CENPC: variants seen among roughly 807,000 people sequenced by gnomAD.
The protein encoded by CENPC is centromere protein C.
Under a neutral mutation model 112.1 loss-of-function variants are expected in CENPC, and 63 were observed. The ratio of observed to expected loss-of-function variants is 0.56; its 90% CI spans 0.46 to 0.69. The LOEUF is 0.69. Among genes scored for constraint, CENPC ranks in the 30% least tolerant of loss-of-function variants. The pLI is 0.00. For synonymous variants in CENPC, 333 were observed against 367.6 expected, an observed-to-expected ratio of 0.91 and a Z score of 1.08; for missense variants, 1,000 against 1,103.8, an observed-to-expected ratio of 0.91 and a Z score of 1.33.
At chr4:67,499,631 T>C (rs1363980460) in intron 12 of CENPC, among the ~76,000 whole-genome samples, 5 of 152,228 alleles carry the variant, frequency 3.3e-5, no homozygotes, top group Admixed American at 3.3e-4. Context: ...TCCAGACCAC[T>C]GAAACCTCTA....
In CENPC at chr4:67,514,334, T is replaced by G. The variant is rs1725988300; in HGVS notation, c.1184A>C (p.Tyr395Ser). ...YALIGETVNNYRSTKYEMYSK... is the reference protein window; with the variant it reads ...YALIGETVNNSRSTKYEMYSK... ...ATACATTTCATATTTTGTAGATCTA[T>G]AATTATTTACTGTTTCACCTATCAA... Residue 395 changes from tyrosine to serine, a missense_variant, in exon 8 of 19, where the codon TAT becomes TCT. Transcript: ENST00000273853. The G allele has an allele frequency of 1.6e-5, 26 of 1,611,820 alleles. No individual in the cohort carries two copies. Among genetic ancestry groups the G allele is most frequent in the Non-Finnish European group, 2.2e-5 (26 of 1,178,530 alleles).
chr4:67,501,937 A>G (rs1047244659), intron 12 of CENPC, among the ~76,000 whole-genome samples: 4 of 25,824 alleles, frequency 1.5e-4, no homozygotes, highest in African/African-American at 3.2e-4. Flanking sequence ...TTTCAAAATA[A>G]ATTATTTTTT....
intron 12 of CENPC, among the ~76,000 whole-genome samples, chr4:67,501,866 T>C (rs1225962057): frequency 1.3e-5 from 2 of 152,166 alleles, no homozygotes; most frequent in Non-Finnish European, 2.9e-5. Context: ...TGTTGTAAAA[T>C]GTGGACAATT....
At position 67,509,242 on chromosome 4, in the gene CENPC, ACACACACACACAC is replaced by A. The variant is rs1490214557; in HGVS notation, c.1613-150_1613-138del. ...CACACACACACACACACACACACAC[ACACACACACACAC>A]ATCTCAGGCTAAATTTATTTCCAAA... On this transcript the variant is annotated intron_variant, in intron 9 of 18. Coordinates refer to ENST00000273853, the MANE Select transcript of CENPC (RefSeq NM_001812.4). The A allele has an allele frequency of 4.4e-5, 26 of 591,522 alleles. No individual in the cohort carries two copies. In the South Asian group the frequency reaches 5.2e-4, roughly 12 times the overall value. 36.6% of individuals were successfully genotyped at this position (591,522 alleles called of 1,614,324 possible).
chr4:67,472,677 T>C lies in CENPC; in HGVS notation c.2762-2A>G. The stretch of plus-strand genomic sequence containing the variant: ...GATTTTTGATGTTATAATAGTTACC[T>C]AAAAGTAAAGTGATAAGAAAATAAA... On this transcript the variant is annotated splice_acceptor_variant, in intron 18 of 18. Transcript: ENST00000273853. LOFTEE classifies it high-confidence loss of function. 6.7e-7 allele frequency: 1 copy of C among 1,501,888 alleles called. No individual in the cohort carries two copies. The highest frequency in any genetic ancestry group is 2.7e-5 in the Admixed American group (1 of 37,004). The allele number at this position is 1,501,888 out of a possible 1,614,324, so 93.0% of individuals were successfully genotyped here.
At chr4:67,490,847 T>A (rs1577977025) in intron 16 of CENPC, among the ~76,000 whole-genome samples, 3 of 11,222 alleles carry the variant, frequency 2.7e-4, no homozygotes, top group African/African-American at 5.6e-4. Context: ...AATATATATA[T>A]ATATATATAT....
Position 67,530,836 on chromosome 4 carries a change from T to C in CENPC, c.310A>G (p.Ser104Gly). The change falls in exon 5 of 19, where the codon AGT becomes GGT. Residue 104 changes from serine (S) to glycine (G), a missense_variant. Coordinates refer to ENST00000273853, the MANE Select transcript of CENPC (RefSeq NM_001812.4). ...EASLQFVVEPSEATNRSVQAH... is the reference protein window; with the variant it reads ...EASLQFVVEPGEATNRSVQAH... ...CAACCTGATCTGTTTGTGGCTTCAC[T>C]TGGTTCTACAACAAACTGTAGAGAG... 6.3e-7 allele frequency: 1 copy of C among 1,597,470 alleles called. No individual in the cohort carries two copies.
chr4:67,491,523 A>AGCGC lies in CENPC; in HGVS notation c.2515+656_2515+657insGCGC, dbSNP rs1560423415. On this transcript the variant is annotated intron_variant, in intron 16 of 18. Transcript: ENST00000273853. ...GAGAGAGAGAGAGAGAGAGAGAGAG[A>AGCGC]GAGAGCCTGGTTGTTAAACAGTTGC... is the stretch of plus-strand genomic sequence containing the variant. Among the ~76,000 whole-genome samples the AGCGC allele has an allele frequency of 2.0e-4, 27 of 132,740 alleles. 1 individual carries two copies. The highest frequency in any genetic ancestry group is 7.0e-4 in the African/African-American group (25 of 35,594). The allele number at this position is 132,740 out of a possible 152,430, so 87.1% of individuals were successfully genotyped here. A position where few individuals can be genotyped will look rare whatever the true frequency, so the allele number is the denominator to read the frequency against.
chr4:67,500,108 T>A (rs527742827), intron 12 of CENPC, among the ~76,000 whole-genome samples: 1 of 151,966 alleles, frequency 6.6e-6, no homozygotes, highest in East Asian at 1.9e-4. Context: ...TGAAAAAGTT[T>A]GATATACTGT....
chr4:67,500,796 GA>G (rs1725571708), intron 12 of CENPC, among the ~76,000 whole-genome samples: 2 of 152,130 alleles, frequency 1.3e-5, no homozygotes, highest in Admixed American at 6.6e-5. Flanking sequence ...TAAAGAAACA[GA>G]AAATAGAAAA....
chr4:67,476,352 AG>A (rs1273328457), intron 17 of CENPC, among the ~76,000 whole-genome samples: 1 of 152,202 alleles, frequency 6.6e-6, no homozygotes, highest in Admixed American at 6.5e-5. Flanking sequence ...AAAGTGTGAA[AG>A]GGGGGAAAGT....
chr4:67,532,146 A>G (rs374702785), intron 4 of CENPC, among the ~76,000 whole-genome samples: 12 of 152,256 alleles, frequency 7.9e-5, no homozygotes, highest in African/African-American at 2.7e-4. Context: ...ACATGAAAAA[A>G]TGCTCATCAG....
chr4:67,480,724 A>T (rs1425350868), intron 17 of CENPC, among the ~76,000 whole-genome samples: 1 of 152,216 alleles, frequency 6.6e-6, no homozygotes, highest in Non-Finnish European at 1.5e-5. Flanking sequence ...ATGCAGAAAA[A>T]GCATTTGCCA....
At chr4:67,507,802 C>G (rs942972738) in intron 10 of CENPC, among the ~76,000 whole-genome samples, 5 of 152,080 alleles carry the variant, frequency 3.3e-5, no homozygotes, top group African/African-American at 1.2e-4. Context: ...AAGCAAGCTA[C>G]CGATCAGAAC....
chr4:67,515,683 T>C lies in CENPC; in HGVS notation c.831-996A>G, dbSNP rs189013184. 2.0e-5 allele frequency among the ~76,000 whole-genome samples: 3 copies of C among 152,136 alleles called. No individual in the cohort carries two copies. In the East Asian group the frequency reaches 5.8e-4, roughly 29 times the overall value. Reference sequence around the variant, plus strand: ...AAGCCGCTAAGTGTGTAGCAACTTATGACAGCATGTGTGTAAAAATGCATT... The same window carrying C: ...AAGCCGCTAAGTGTGTAGCAACTTACGACAGCATGTGTGTAAAAATGCATT... On this transcript the variant is annotated intron_variant, in intron 7 of 18. Coordinates refer to ENST00000273853, the MANE Select transcript of CENPC (RefSeq NM_001812.4).
intron 8 of CENPC, 101 bp from the exon 9 acceptor site, chr4:67,512,670 A>G (rs1009062617): frequency 2.5e-6 from 2 of 790,144 alleles, no homozygotes; most frequent in African/African-American, 1.8e-5. Context: ...GAACTTCTTA[A>G]ATTTATCCTG....
chr4:67,486,968 G>GTAT (rs1725110251), intron 17 of CENPC, among the ~76,000 whole-genome samples: 2 of 131,830 alleles, frequency 1.5e-5, no homozygotes, highest in Non-Finnish European at 3.1e-5. Context: ...TTGCTTTTAG[G>GTAT]TTTTTTTTTT....
intron 5 of CENPC, among the ~76,000 whole-genome samples, chr4:67,525,475 A>G (rs2109818602): frequency 6.6e-6 from 1 of 152,272 alleles, no homozygotes; most frequent in South Asian, 2.1e-4. Context: ...CAAGAAAAAC[A>G]AAAACAAACA....
At chr4:67,507,364 CA>C (rs1725764533) in intron 10 of CENPC, among the ~76,000 whole-genome samples, 1 of 152,084 alleles carries the variant, frequency 6.6e-6, no homozygotes, top group East Asian at 1.9e-4. Flanking sequence ...TAGTTTACTC[CA>C]AATATATGCA....
Sources: gnomAD v4.1 joint callset for allele counts (sites outside exome capture counted in the v4.1 genomes callset) on GRCh38, gnomAD v4.1.1 for gene constraint, MANE v1.5 for transcripts, NCBI Gene and HGNC (gene_info 2026-07-23, HGNC 2026-07-21) for gene names.